The following CNTNAP2 variants were observed in gnomAD, a reference collection of about 807,000 sequenced individuals.
The protein encoded by CNTNAP2 is contactin-associated protein-like 2.
A neutral mutation model predicts 155.2 loss-of-function variants in CNTNAP2; 98 were observed. That is an observed-to-expected ratio of 0.63 (90% CI 0.54 to 0.75). The LOEUF (loss-of-function observed/expected upper bound fraction) is 0.75, where lower values mean the gene tolerates loss of function less well. CNTNAP2 is among the 30% of genes least tolerant of loss of function. The pLI is 0.00. For missense variants in CNTNAP2, 1,727 were observed against 1,688.1 expected (o/e 1.02, Z -0.40); for synonymous variants, 651 against 631.2 (o/e 1.03, Z -0.47).
intron 1 of CNTNAP2, among the ~76,000 whole-genome samples, chr7:146,658,216 A>G (rs545103514): frequency 9.9e-5 from 15 of 152,138 alleles, no homozygotes; most frequent in Non-Finnish European, 1.9e-4. Flanking sequence ...CATTCTTGCA[A>G]TATCTTGAAT....
chr7:147,485,927 T>C lies in CNTNAP2; in HGVS notation c.1671-8T>C. ...TGGTTTATTTCTGTTTGTCTCTCTC[T>C]CTGACAGATGTGTGCCCAATCACTG... On this transcript the variant is annotated splice_polypyrimidine_tract_variant and splice_region_variant and intron_variant, in intron 10 of 23. Coordinates refer to ENST00000361727, the MANE Select transcript of CNTNAP2 (RefSeq NM_014141.6). The C allele has an allele frequency of 6.2e-7, 1 of 1,613,846 alleles. No individual in the cohort carries two copies. The highest frequency in any genetic ancestry group is 8.5e-7 in the Non-Finnish European group (1 of 1,179,748).
chr7:147,903,451 G>C, intron 13 of CNTNAP2, 114 bp from the exon 14 acceptor site: 1 of 1,149,372 alleles, frequency 8.7e-7, no homozygotes. Context: ...ACTTTTAAGA[G>C]GGTTGAGTGA....
intron 12 of CNTNAP2, among the ~76,000 whole-genome samples, chr7:147,634,544 C>CCAAA (rs1359283387): frequency 4.6e-5 from 7 of 151,840 alleles, no homozygotes; most frequent in Non-Finnish European, 1.0e-4. Flanking sequence ...GAAATCACCA[C>CCAAA]TAAAGAACTT....
At chr7:147,054,008 G>A (rs1209966457) in intron 4 of CNTNAP2, among the ~76,000 whole-genome samples, 5 of 152,076 alleles carry the variant, frequency 3.3e-5, no homozygotes, top group South Asian at 2.1e-4. Flanking sequence ...TTGCATAAGC[G>A]AATTAATCGC....
chr7:146,575,571 A>G (rs1418386734), intron 1 of CNTNAP2, among the ~76,000 whole-genome samples: 1 of 152,214 alleles, frequency 6.6e-6, no homozygotes, highest in Non-Finnish European at 1.5e-5. Flanking sequence ...CTTGTCTATT[A>G]CTATATTAAA....
chr7:146,397,744 T>C (rs1279271641), intron 1 of CNTNAP2, among the ~76,000 whole-genome samples: 2 of 152,112 alleles, frequency 1.3e-5, no homozygotes, highest in Non-Finnish European at 2.9e-5. Context: ...AGTATATAAG[T>C]AGGAATAATC....
chr7:147,905,359 C>T (rs1799941755), intron 14 of CNTNAP2, among the ~76,000 whole-genome samples: 1 of 152,198 alleles, frequency 6.6e-6, no homozygotes, highest in African/African-American at 2.4e-5. Flanking sequence ...TGTCCCACCA[C>T]AGAGGAGAGA....
At chr7:146,593,794 G>A (rs1798818960) in intron 1 of CNTNAP2, among the ~76,000 whole-genome samples, 1 of 152,052 alleles carries the variant, frequency 6.6e-6, no homozygotes, top group South Asian at 2.1e-4. Context: ...CTCCAATCAG[G>A]CTTCCCTGAA....
Position 146,343,434 on chromosome 7 carries a change from G to A in CNTNAP2, c.97+226461G>A, listed in dbSNP as rs116312595. Among the ~76,000 whole-genome samples, 524 of 151,880 alleles carry A rather than the reference G, an allele frequency of 3.5e-3. 4 individuals are homozygous for A. Among genetic ancestry groups the A allele is most frequent in the African/African-American group, 0.012 (504 of 41,404 alleles). ...ACAATATGTTTGACTCATCTGATAC[G>A]TTCCGCCTTTGCTGCAATGGCCTTC... On this transcript the variant is annotated intron_variant, in intron 1 of 23. Coordinates refer to ENST00000361727, the MANE Select transcript of CNTNAP2 (RefSeq NM_014141.6).
intron 16 of CNTNAP2, 94 bp downstream of exon 16, chr7:148,118,382 G>A (rs971104459): frequency 4.7e-5 from 64 of 1,367,430 alleles, no homozygotes; most frequent in African/African-American, 2.0e-4. Flanking sequence ...TGATTCAAAC[G>A]TGGAAGGTTT....
chr7:146,588,699 G>A lies in CNTNAP2; in HGVS notation c.98-185572G>A, dbSNP rs146383356. Among the ~76,000 whole-genome samples the A allele has an allele frequency of 5.3e-3, 803 of 152,076 alleles. 7 individuals are homozygous for A. Among genetic ancestry groups the A allele is most frequent in the Middle Eastern group, 0.051 (15 of 294 alleles). ...TTTTTTAAAAATGTTGGTAGAGGTAGGATTTTGCCCTGTTGCCCAGGCTGG... is the reference window on the plus strand; with the variant it reads ...TTTTTTAAAAATGTTGGTAGAGGTAAGATTTTGCCCTGTTGCCCAGGCTGG... On this transcript the variant is annotated intron_variant, in intron 1 of 23. Coordinates refer to ENST00000361727, the MANE Select transcript of CNTNAP2 (RefSeq NM_014141.6).
intron 1 of CNTNAP2, among the ~76,000 whole-genome samples, chr7:146,624,810 A>G (rs1799392700): frequency 6.6e-6 from 1 of 152,012 alleles, no homozygotes; most frequent in Admixed American, 6.6e-5. Flanking sequence ...AGGTCAGTGT[A>G]GAAAGAATTG....
At chr7:147,454,866 T>C (rs1416343631) in intron 10 of CNTNAP2, among the ~76,000 whole-genome samples, 6 of 152,100 alleles carry the variant, frequency 3.9e-5, no homozygotes, top group South Asian at 2.1e-4. Flanking sequence ...CGACCTTTAA[T>C]AACACTAGGT....
At chr7:147,330,605 G>A (rs1222410952) in intron 9 of CNTNAP2, among the ~76,000 whole-genome samples, 1 of 152,124 alleles carries the variant, frequency 6.6e-6, no homozygotes, top group Non-Finnish European at 1.5e-5. Flanking sequence ...GTATTGAATT[G>A]TTGGATAACC....
intron 3 of CNTNAP2, among the ~76,000 whole-genome samples, chr7:147,031,020 A>G (rs926015009): frequency 2.6e-5 from 4 of 152,184 alleles, no homozygotes; most frequent in Non-Finnish European, 5.9e-5. Flanking sequence ...AGATGAGTAT[A>G]TTATTTACCA....
intron 1 of CNTNAP2, among the ~76,000 whole-genome samples, chr7:146,476,916 T>C (rs1024114546): frequency 4.6e-5 from 7 of 152,208 alleles, no homozygotes; most frequent in Admixed American, 6.5e-5. Flanking sequence ...CAAAATTTTC[T>C]ATCAATTTTA....
intron 14 of CNTNAP2, among the ~76,000 whole-genome samples, chr7:147,914,147 T>G (rs574590735): frequency 6.4e-4 from 97 of 151,918 alleles, no homozygotes; most frequent in Non-Finnish European, 1.1e-3. Context: ...ATGAAGTAGA[T>G]ACATAAACAC....
At chr7:146,477,580 A>C (rs1377697528) in intron 1 of CNTNAP2, among the ~76,000 whole-genome samples, 1 of 149,226 alleles carries the variant, frequency 6.7e-6, no homozygotes, top group East Asian at 2.0e-4. Flanking sequence ...GTTGAACTTG[A>C]GCTTCCTCTA....
At chr7:147,697,193 A>T (rs1168055920) in intron 13 of CNTNAP2, among the ~76,000 whole-genome samples, 1 of 152,170 alleles carries the variant, frequency 6.6e-6, no homozygotes, top group Non-Finnish European at 1.5e-5. Context: ...ATTTCTGTTA[A>T]CAGCGTTTTT....
Sources: allele counts gnomAD v4.1 joint callset (sites outside exome capture counted in the v4.1 genomes callset), GRCh38; gene constraint gnomAD v4.1.1; transcripts MANE v1.5; gene names NCBI Gene and HGNC (gene_info 2026-07-23, HGNC 2026-07-21).